Variants in MON2 observed in about 807,000 individuals in gnomAD.
The protein encoded by MON2 is MON2 regulator of endosome-to-Golgi trafficking, also known as protein MON2 homolog.
A neutral mutation model predicts 208.6 loss-of-function variants in MON2; 84 were observed. The ratio of observed to expected loss-of-function variants is 0.40; its 90% CI spans 0.34 to 0.48. The LOEUF is 0.48. Ranked by LOEUF, MON2 falls within the 20% of genes least tolerant of loss-of-function variation. The probability of loss-of-function intolerance (pLI) is 0.59; values close to 1 mark genes in which losing one functional copy is unlikely to be tolerated. For synonymous variants in MON2, 660 were observed against 694.0 expected, an observed-to-expected ratio of 0.95 and a Z score of 0.77; for missense variants, 1,611 against 2,015.4, an observed-to-expected ratio of 0.80 and a Z score of 3.84.
intron 24 of MON2, among the ~76,000 whole-genome samples, chr12:62,554,572 A>G (rs901397859): frequency 6.6e-6 from 1 of 152,148 alleles, no homozygotes; most frequent in Non-Finnish European, 1.5e-5. Flanking sequence ...GTAGCACACT[A>G]CAGCCTTGAC....
At position 62,535,526 on chromosome 12, in the gene MON2, A is replaced by C; in HGVS notation, c.1717A>C (p.Thr573Pro). 2 of 1,595,630 alleles carry C rather than the reference A, an allele frequency of 1.3e-6. No individual in the cohort carries two copies. The highest frequency in any genetic ancestry group is 1.7e-6 in the Non-Finnish European group (2 of 1,173,512). ...TTAAATAAAATACTTTCTTTTCAGCACAGATGAAGCTGCCACTGAGAATAT... is the reference window on the plus strand; with the variant it reads ...TTAAATAAAATACTTTCTTTTCAGCCCAGATGAAGCTGCCACTGAGAATAT... ...AALSLLLDAS[T>P]DEAATENILK... The change falls in exon 14 of 35, where the codon ACA (threonine) becomes CCA (proline). Residue 573 changes from threonine (T) to proline (P), a missense_variant and splice_region_variant. Transcript: ENST00000393630.
chr12:62,516,883 T>TA (rs536678894), intron 8 of MON2, among the ~76,000 whole-genome samples: 24 of 151,214 alleles, frequency 1.6e-4, no homozygotes, highest in South Asian at 2.1e-4. Context: ...TCATAAAAAT[T>TA]AAAAAAAAAT....
Position 62,537,174 on chromosome 12 carries a change from G to C in MON2, c.1924G>C (p.Val642Leu), listed in dbSNP as rs757906915. 6.2e-7 allele frequency: 1 copy of C among 1,612,474 alleles called. No individual in the cohort carries two copies. The highest frequency in any genetic ancestry group is 1.1e-5 in the South Asian group (1 of 90,936). ...NKSYSVQGQS[V>L]MMISPSSESH... is the part of the protein sequence containing the mutation. ...AGCATATTCCGTTCAGGGCCAAAGT[G>C]TTATGATGATAAGTCCATCAAGTGA... The change falls in exon 15 of 35, where the codon GTT (valine) becomes CTT (leucine). Residue 642 changes from valine (V) to leucine (L), a missense_variant. Physicochemically the swap from Val to Leu is conservative, Grantham distance 32. Transcript: ENST00000393630.
chr12:62,531,423 T>C (rs1291869742), intron 11 of MON2, among the ~76,000 whole-genome samples: 1 of 152,218 alleles, frequency 6.6e-6, no homozygotes, highest in East Asian at 1.9e-4. Context: ...ACCATCACTC[T>C]TCTGCATGTG....
chr12:62,487,940 T>A (rs2069892813), intron 2 of MON2, among the ~76,000 whole-genome samples: 1 of 152,094 alleles, frequency 6.6e-6, no homozygotes. Context: ...CTAGAAACTT[T>A]TTCTTCTAGA....
Position 62,565,484 on chromosome 12 carries a change from T to C in MON2, c.4176+104T>C, listed in dbSNP as rs972845424. 4 of 1,007,136 alleles carry C rather than the reference T, an allele frequency of 4.0e-6. No individual in the cohort carries two copies. The African/African-American group carries it at 6.6e-5, about 17-fold the overall frequency. The allele number at this position is 1,007,136 out of a possible 1,614,324, so 62.4% of individuals were successfully genotyped here. Reference sequence around the variant, plus strand: ...TGATTATCTCGGAAAAGGATACTTTTCACTCACAAATATATTTATACATGT... The same window carrying C: ...TGATTATCTCGGAAAAGGATACTTTCCACTCACAAATATATTTATACATGT... On this transcript the variant is annotated intron_variant, in intron 27 of 34. Coordinates refer to ENST00000393630, the MANE Select transcript of MON2 (RefSeq NM_015026.3).
Position 62,578,448 on chromosome 12 carries a change from A to G in MON2, c.4518A>G (p.Ile1506Met). 7.0e-7 allele frequency: 1 copy of G among 1,419,466 alleles called. No individual in the cohort carries two copies. Among genetic ancestry groups the G allele is most frequent in the South Asian group, 1.3e-5 (1 of 75,958 alleles). 87.9% of individuals were successfully genotyped at this position (1,419,466 alleles called of 1,614,324 possible). A position where few individuals can be genotyped will look rare whatever the true frequency, so the allele number is the denominator to read the frequency against. The change falls in exon 31 of 35, where the codon ATA becomes ATG. Residue 1506 changes from isoleucine (I) to methionine (M), a missense_variant. Coordinates refer to ENST00000393630, the MANE Select transcript of MON2 (RefSeq NM_015026.3). ...ATCAAGTGTTTTTTTTTTTTAGCAT[A>G]CCTCCAGATAATCTCTCTATTCAAG... ...TFEDFLFTKS[I>M]PPDNLSIQEF...
intron 8 of MON2, among the ~76,000 whole-genome samples, chr12:62,519,803 C>G (rs750747680): frequency 6.6e-6 from 1 of 152,110 alleles, no homozygotes; most frequent in Admixed American, 6.5e-5. Context: ...CTATACCAAA[C>G]GGTACACTTT....
At chr12:62,509,317 A>G (rs1250478163) in intron 8 of MON2, among the ~76,000 whole-genome samples, 2 of 151,726 alleles carry the variant, frequency 1.3e-5, no homozygotes, top group Non-Finnish European at 2.9e-5. Context: ...GCTTCACCCT[A>G]TTGGTCAGGC....
chr12:62,518,251 T>C (rs2071805035), intron 8 of MON2, among the ~76,000 whole-genome samples: 1 of 152,254 alleles, frequency 6.6e-6, no homozygotes, highest in Admixed American at 6.5e-5. Flanking sequence ...CACTGGGGAA[T>C]AGGCTTCAAC....
rs903826729 is a variant in MON2, at chr12:62,479,149, C to T, written c.112-5021C>T. Among the ~76,000 whole-genome samples, 9 of 152,206 alleles carry T rather than the reference C, an allele frequency of 5.9e-5. No individual in the cohort carries two copies. In the South Asian group the frequency reaches 1.5e-3, roughly 25 times the overall value. ...TGTAGTATAGGAGACAGATCAGGAA[C>T]AGGAATATAATTTAGAAGTCTTCAG... On this transcript the variant is annotated intron_variant, in intron 1 of 34. Coordinates refer to ENST00000393630, the MANE Select transcript of MON2 (RefSeq NM_015026.3).
Position 62,521,778 on chromosome 12 carries a change from C to G in MON2, c.985-2737C>G, listed in dbSNP as rs576157973. ...ATTAGGTATATTAATAGCTACTATA[C>G]TATATTATTTTCCCTTTCTGTCATC... On this transcript the variant is annotated intron_variant, in intron 8 of 34. Coordinates refer to ENST00000393630, the MANE Select transcript of MON2 (RefSeq NM_015026.3). Among the ~76,000 whole-genome samples, 3 of 152,284 alleles carry G rather than the reference C, an allele frequency of 2.0e-5. No individual in the cohort carries two copies. In the South Asian group the frequency reaches 6.2e-4, roughly 32 times the overall value.
At chr12:62,498,594 G>A (rs915760794) in intron 4 of MON2, among the ~76,000 whole-genome samples, 4 of 152,054 alleles carry the variant, frequency 2.6e-5, no homozygotes, top group Non-Finnish European at 5.9e-5. Context: ...AGCTTCTCCA[G>A]ATCATTAAGT....
intron 34 of MON2, 83 bp from the exon 35 acceptor site, chr12:62,592,503 C>G: frequency 9.5e-7 from 1 of 1,055,474 alleles, no homozygotes; most frequent in African/African-American, 1.6e-5. Context: ...TCTTTACATG[C>G]AGTTTAAAGG....
rs749160149 is a variant in MON2 at position 62,525,945 on chromosome 12, A to T, written c.1247-4A>T. On this transcript the variant is annotated splice_polypyrimidine_tract_variant and splice_region_variant and intron_variant, in intron 10 of 34. Coordinates refer to ENST00000393630, the MANE Select transcript of MON2 (RefSeq NM_015026.3). ...TTTTCTTTTTTTCCCTTCTTCTCTA[A>T]CAGGAAACAATAATTTAGGTGGCTC... 6.2e-7 allele frequency: 1 copy of T among 1,611,278 alleles called. No homozygotes were observed. Among genetic ancestry groups the T allele is most frequent in the Admixed American group, 1.7e-5 (1 of 59,434 alleles).
intron 8 of MON2, among the ~76,000 whole-genome samples, chr12:62,515,019 C>T (rs574739262): frequency 2.6e-5 from 4 of 152,230 alleles, no homozygotes; most frequent in African/African-American, 7.2e-5. Flanking sequence ...AAAATTGGAA[C>T]CCTTGTGCAC....
chr12:62,554,450 G>C (rs1175887653), intron 24 of MON2, among the ~76,000 whole-genome samples: 1 of 152,122 alleles, frequency 6.6e-6, no homozygotes, highest in Non-Finnish European at 1.5e-5. Flanking sequence ...TTAGTTCAGA[G>C]ACCACACTTT....
At chr12:62,525,378 A>C (rs1467767062) in intron 10 of MON2, among the ~76,000 whole-genome samples, 158 bp downstream of exon 10, 1 of 152,222 alleles carries the variant, frequency 6.6e-6, no homozygotes, top group Non-Finnish European at 1.5e-5. Context: ...TCTGATCTCA[A>C]TGAAGCAGTT....
chr12:62,562,995 A>C (rs754532719), intron 26 of MON2, among the ~76,000 whole-genome samples: 4 of 152,148 alleles, frequency 2.6e-5, no homozygotes, highest in South Asian at 2.1e-4. Flanking sequence ...TATGTGCTTT[A>C]CTGTAAGTCC....
Sources: gnomAD v4.1 joint callset for allele counts (sites outside exome capture counted in the v4.1 genomes callset) on GRCh38, gnomAD v4.1.1 for gene constraint, MANE v1.5 for transcripts, NCBI Gene and HGNC (gene_info 2026-07-23, HGNC 2026-07-21) for gene names.